Variants in PRKCA observed in about 807,000 individuals in gnomAD.
PRKCA encodes the protein protein kinase C alpha type.
Under a neutral mutation model 87.0 loss-of-function variants are expected in PRKCA, and 27 were observed. The ratio of observed to expected loss-of-function variants is 0.31; its 90% CI spans 0.23 to 0.43. The LOEUF is 0.43. Ranked by LOEUF, PRKCA falls within the 20% of genes least tolerant of loss-of-function variation. The probability of loss-of-function intolerance (pLI) is 1.00; values close to 1 mark genes in which losing one functional copy is unlikely to be tolerated. For synonymous variants in PRKCA, 329 were observed against 311.1 expected, an observed-to-expected ratio of 1.06 and a Z score of -0.61; for missense variants, 518 against 852.3, an observed-to-expected ratio of 0.61 and a Z score of 4.88.
chr17:66,449,219 A>C (rs118090701), intron 2 of PRKCA, among the ~76,000 whole-genome samples: 5,973 of 152,088 alleles, frequency 0.039, 183 homozygotes, highest in East Asian at 0.11. Context: ...AGCCCAGGAG[A>C]TGGAAGTGGT....
chr17:66,766,986 T>G (rs1434721571), intron 13 of PRKCA, among the ~76,000 whole-genome samples: 1 of 152,142 alleles, frequency 6.6e-6, no homozygotes, highest in Admixed American at 6.5e-5. Flanking sequence ...CAATAAATCA[T>G]CTTAATCCTC....
At chr17:66,563,324 C>G (rs1968774452) in intron 3 of PRKCA, among the ~76,000 whole-genome samples, 1 of 152,178 alleles carries the variant, frequency 6.6e-6, no homozygotes, top group Non-Finnish European at 1.5e-5. Flanking sequence ...ATCCTCTGTG[C>G]TCCATCTTGT....
intron 8 of PRKCA, among the ~76,000 whole-genome samples, chr17:66,726,482 G>A (rs543091591): frequency 3.3e-5 from 5 of 152,250 alleles, no homozygotes; most frequent in South Asian, 4.1e-4. Context: ...GGAGTGTTGG[G>A]GTTTCAGGAA....
intron 2 of PRKCA, among the ~76,000 whole-genome samples, chr17:66,343,377 T>G (rs2143370480): frequency 6.6e-6 from 1 of 152,342 alleles, no homozygotes; most frequent in East Asian, 1.9e-4. Context: ...CATATCACTC[T>G]TTGTTATCCA....
At chr17:66,455,109 C>CT (rs1023892769) in intron 2 of PRKCA, among the ~76,000 whole-genome samples, 6 of 152,196 alleles carry the variant, frequency 3.9e-5, no homozygotes, top group African/African-American at 7.2e-5. Flanking sequence ...TGAGGAATAT[C>CT]TTTAAGTCCA....
intron 3 of PRKCA, among the ~76,000 whole-genome samples, chr17:66,527,914 C>T (rs932454159): frequency 3.9e-5 from 6 of 152,064 alleles, no homozygotes; most frequent in Non-Finnish European, 7.3e-5. Flanking sequence ...AAACATGATA[C>T]AGGTTGGGCG....
chr17:66,454,513 C>T (rs1341432130), intron 2 of PRKCA, among the ~76,000 whole-genome samples: 1 of 152,108 alleles, frequency 6.6e-6, no homozygotes, highest in Non-Finnish European at 1.5e-5. Context: ...TAAAGACATA[C>T]CCGAAACTGG....
At chr17:66,730,639 C>T (rs904390258) in intron 8 of PRKCA, among the ~76,000 whole-genome samples, 6 of 152,296 alleles carry the variant, frequency 3.9e-5, no homozygotes, top group East Asian at 1.9e-4. Context: ...AATTAGCATA[C>T]GATGAGCAGC....
At chr17:66,311,326 C>A (rs1421631318) in intron 2 of PRKCA, among the ~76,000 whole-genome samples, 1 of 152,116 alleles carries the variant, frequency 6.6e-6, no homozygotes, top group Non-Finnish European at 1.5e-5. Flanking sequence ...TTAGAACTGC[C>A]TTTCTGTGGT....
chr17:66,391,021 T>C (rs2143636798), intron 2 of PRKCA, among the ~76,000 whole-genome samples: 1 of 152,286 alleles, frequency 6.6e-6, no homozygotes, highest in African/African-American at 2.4e-5. Context: ...AGAGAGATTT[T>C]CCATTTTGAC....
intron 5 of PRKCA, among the ~76,000 whole-genome samples, chr17:66,662,168 G>T (rs1009927434): frequency 6.6e-6 from 1 of 152,178 alleles, no homozygotes; most frequent in African/African-American, 2.4e-5. Flanking sequence ...TCAGGAAACT[G>T]ATGTGTCTCC....
At chr17:66,665,372 G>A (rs1309137522) in intron 5 of PRKCA, among the ~76,000 whole-genome samples, 1 of 152,114 alleles carries the variant, frequency 6.6e-6, no homozygotes, top group Non-Finnish European at 1.5e-5. Context: ...TGACCAAAAG[G>A]TTTTCTGGTA....
At chr17:66,305,537 T>C (rs4520871) in intron 1 of PRKCA, among the ~76,000 whole-genome samples, 22,969 of 152,202 alleles carry the variant, frequency 0.15, 2,264 homozygotes, top group African/African-American at 0.27. Flanking sequence ...AATTAGATCG[T>C]GGTCATCTCA....
At position 66,742,704 on chromosome 17, in the gene PRKCA, A is replaced by G; in HGVS notation, c.1468A>G (p.Met490Val). The G allele has an allele frequency of 6.2e-7, 1 of 1,614,216 alleles. No individual in the cohort carries two copies. The highest frequency in any genetic ancestry group is 1.7e-5 in the Admixed American group (1 of 60,030). ...CTTTGGGATGTGCAAGGAACACATG[A>G]TGGATGGAGTCACGACCAGGACCTT... Reference protein sequence around the residue: ...ADFGMCKEHMMDGVTTRTFCG... With the variant: ...ADFGMCKEHMVDGVTTRTFCG... Residue 490 changes from methionine to valine, a missense_variant, in exon 13 of 17, where the codon ATG (methionine) becomes GTG (valine). Around this residue, in one of 5 missense-constraint regions of PRKCA, gnomAD observed 159 missense variants for 232.4 expected, o/e 0.68. Transcript: ENST00000413366.
chr17:66,492,503 G>GT (rs1916290109), intron 2 of PRKCA, among the ~76,000 whole-genome samples: 1 of 152,030 alleles, frequency 6.6e-6, no homozygotes, highest in Admixed American at 6.6e-5. Flanking sequence ...TGTGGAGATG[G>GT]TTTTTTTTAA....
At chr17:66,347,617 A>G (rs1355660195) in intron 2 of PRKCA, among the ~76,000 whole-genome samples, 1 of 152,190 alleles carries the variant, frequency 6.6e-6, no homozygotes, top group Non-Finnish European at 1.5e-5. Flanking sequence ...AAATGTTGAC[A>G]CATTTCATTA....
chr17:66,516,545 A>G (rs1242095025), intron 3 of PRKCA, among the ~76,000 whole-genome samples: 7 of 152,014 alleles, frequency 4.6e-5, no homozygotes, highest in Non-Finnish European at 1.0e-4. Flanking sequence ...AGGCTGCAGA[A>G]TCACTTGAAC....
At chr17:66,585,239 C>T (rs767830674) in intron 3 of PRKCA, among the ~76,000 whole-genome samples, 3 of 152,124 alleles carry the variant, frequency 2.0e-5, no homozygotes, top group South Asian at 2.1e-4. Flanking sequence ...GCCATGTTGC[C>T]TGCTTCTTTA....
chr17:66,587,770 TATATGTGTGTATATGTATACATATATAC>T (rs1302456976), intron 3 of PRKCA, among the ~76,000 whole-genome samples: 10 of 108,196 alleles, frequency 9.2e-5, no homozygotes, highest in South Asian at 5.9e-4. Context: ...CATATATACG[TATATGTGTGTATATGTATACATATATAC>T]GTATATGTGT....
Sources: allele counts gnomAD v4.1 joint callset (sites outside exome capture counted in the v4.1 genomes callset), GRCh38; gene constraint gnomAD v4.1.1; regional missense constraint gnomAD v4.1.1; transcripts MANE v1.5; gene names NCBI Gene and HGNC (gene_info 2026-07-23, HGNC 2026-07-21).